QSOX1: variants seen among roughly 807,000 people sequenced by gnomAD.
QSOX1 encodes quiescin sulfhydryl oxidase 1, also known as sulfhydryl oxidase 1.
Under a neutral mutation model 76.1 loss-of-function variants are expected in QSOX1, and 40 were observed. The ratio of observed to expected loss-of-function variants is 0.53; its 90% CI spans 0.41 to 0.68. The LOEUF is 0.68. Ranked by LOEUF, QSOX1 falls within the 30% of genes least tolerant of loss-of-function variation. The pLI is 0.00. For missense variants in QSOX1, 931 were observed against 974.3 expected (o/e 0.96, Z 0.59); for synonymous variants, 392 against 413.1 (o/e 0.95, Z 0.62).
At chr1:180,162,713 G>A (rs1662522089) in intron 1 of QSOX1, among the ~76,000 whole-genome samples, 1 of 152,076 alleles carries the variant, frequency 6.6e-6, no homozygotes, top group South Asian at 2.1e-4. Context: ...ACTCCAGCCT[G>A]GATGACATAG....
Position 180,197,208 on chromosome 1 carries a change from C to A in QSOX1, c.*171C>A. ...TTCTTGGGGTTGCTAGGACAGAGAG[C>A]TCCTTTGACACAAAAGACAGGAGCA... On this transcript the variant is annotated 3_prime_UTR_variant, in exon 12 of 12. Coordinates refer to ENST00000367602, the MANE Select transcript of QSOX1 (RefSeq NM_002826.5). 1 of 1,559,624 alleles carries A rather than the reference C, an allele frequency of 6.4e-7. No homozygotes were observed. The highest frequency in any genetic ancestry group is 8.6e-7 in the Non-Finnish European group (1 of 1,157,178).
At chr1:180,193,767 G>GC (rs1663382936) in intron 10 of QSOX1, among the ~76,000 whole-genome samples, 1 of 152,150 alleles carries the variant, frequency 6.6e-6, no homozygotes, top group African/African-American at 2.4e-5. Context: ...GCATGTGCAG[G>GC]CCAGGTCCAG....
rs1205066076 is a variant in QSOX1, at chr1:180,196,027, G to A, written c.1469-235G>A. 6.6e-6 allele frequency among the ~76,000 whole-genome samples: 1 copy of A among 152,208 alleles called. No homozygotes were observed. Among genetic ancestry groups the A allele is most frequent in the Non-Finnish European group, 1.5e-5 (1 of 68,042 alleles). ...CTTCACGCTTCCCTGGAAAACCACGGAGGGCCGGGGCTGAGGGGTAGGTGG... is the reference window on the plus strand; with the variant it reads ...CTTCACGCTTCCCTGGAAAACCACGAAGGGCCGGGGCTGAGGGGTAGGTGG... On this transcript the variant is annotated intron_variant, in intron 11 of 11. Transcript: ENST00000367602. This position sits in a 1 kb window ranked among gnomAD's most constrained non-coding sequence, Gnocchi z 4.1.
chr1:180,167,971 C>T (rs1207563232), intron 2 of QSOX1, among the ~76,000 whole-genome samples: 1 of 152,236 alleles, frequency 6.6e-6, no homozygotes, highest in Non-Finnish European at 1.5e-5. Flanking sequence ...CATTCACAGG[C>T]TGATATTTTT....
intron 2 of QSOX1, among the ~76,000 whole-genome samples, chr1:180,171,355 G>A (rs1232237588): frequency 6.7e-6 from 1 of 148,848 alleles, no homozygotes; most frequent in African/African-American, 2.6e-5. Flanking sequence ...GGATGGTGTG[G>A]GTGGCAGGGA....
At chr1:180,158,072 G>A (rs529541598) in intron 1 of QSOX1, among the ~76,000 whole-genome samples, 2 of 152,298 alleles carry the variant, frequency 1.3e-5, no homozygotes, top group South Asian at 2.1e-4. Flanking sequence ...ATCCTTACCC[G>A]GGAAAATATC....
intron 11 of QSOX1, among the ~76,000 whole-genome samples, chr1:180,195,608 CTGGGGT>C (rs1663453513): frequency 6.6e-6 from 1 of 152,106 alleles, no homozygotes; most frequent in Non-Finnish European, 1.5e-5. Context: ...CTGGGCCCAC[CTGGGGT>C]ACCAACAGCC....
At chr1:180,178,712 A>G (rs1298301958) in intron 4 of QSOX1, 82 bp from the exon 5 acceptor site, 2 of 1,281,130 alleles carry the variant, frequency 1.6e-6, no homozygotes, top group East Asian at 2.3e-5. Flanking sequence ...GCAGCACTGC[A>G]TCACCAGCGT....
chr1:180,189,824 A>G (rs1163555144), intron 9 of QSOX1, 150 bp downstream of exon 9: 2 of 834,782 alleles, frequency 2.4e-6, no homozygotes, highest in African/African-American at 1.7e-5. Context: ...ATAAATGACT[A>G]TTGATTGAGC....
rs1663587582 is a variant in QSOX1, at chr1:180,199,605, A to G, written c.*2568A>G. 1 of 152,036 alleles carries G rather than the reference A, an allele frequency of 6.6e-6. No homozygotes were observed. The highest frequency in any genetic ancestry group is 1.5e-5 in the Non-Finnish European group (1 of 68,042). The allele number at this position is 152,036 out of a possible 1,614,324, so 9.4% of individuals were successfully genotyped here. ...TCGAAAACTTTTTAAAAATATTACTAAGGATTTTCACAATGCTGCACTGGG... is the reference window on the plus strand; with the variant it reads ...TCGAAAACTTTTTAAAAATATTACTGAGGATTTTCACAATGCTGCACTGGG... On this transcript the variant is annotated 3_prime_UTR_variant, in exon 12 of 12. Transcript: ENST00000367602.
Position 180,194,293 on chromosome 1 carries a change from G to T in QSOX1, c.1369G>T (p.Glu457Ter), listed in dbSNP as rs758589984. 1.2e-6 allele frequency: 2 copies of T among 1,612,682 alleles called. No homozygotes were observed. Among genetic ancestry groups the T allele is most frequent in the African/African-American group, 1.3e-5 (1 of 75,030 alleles). ...FGCRDCASHF[E>*]QMAAASMHRV... ...CTGCCGAGACTGCGCTAGCCACTTCGAGCAGATGGCTGCTGCCTCCATGCA... is the reference window on the plus strand; with the variant it reads ...CTGCCGAGACTGCGCTAGCCACTTCTAGCAGATGGCTGCTGCCTCCATGCA... Residue 457 changes from glutamate (E) to a stop codon, truncating the protein, a stop_gained, in exon 11 of 12, where the codon GAG (glutamate) becomes TAG (stop). Coordinates refer to ENST00000367602, the MANE Select transcript of QSOX1 (RefSeq NM_002826.5). LOFTEE classifies it high-confidence loss of function.
In QSOX1 at chr1:180,183,366, AG is replaced by A. The variant is rs199930686; in HGVS notation, c.753-549del. On this transcript the variant is annotated intron_variant, in intron 6 of 11. Transcript: ENST00000367602. Reference sequence around the variant, plus strand: ...GGAGGACTCCTCCCTGTCGGAAAAAAGAAAGAAACCAAAAAGACCGTAAAAA... The same window carrying A: ...GGAGGACTCCTCCCTGTCGGAAAAAAAAAGAAACCAAAAAGACCGTAAAAA... Among the ~76,000 whole-genome samples the A allele has an allele frequency of 6.2e-5, 4 of 64,314 alleles. No homozygotes were observed. The East Asian group carries it at 1.1e-3, about 18-fold the overall frequency. The allele number at this position is 64,314 out of a possible 152,430, so 42.2% of individuals were successfully genotyped here.
intron 10 of QSOX1, among the ~76,000 whole-genome samples, chr1:180,192,574 G>C (rs1004185991): frequency 6.6e-6 from 1 of 152,198 alleles, no homozygotes; most frequent in African/African-American, 2.4e-5. Context: ...CTTACTGATA[G>C]ATTGGAGGAA....
chr1:180,177,634 G>A (rs1148808), intron 4 of QSOX1, among the ~76,000 whole-genome samples: 8 of 152,218 alleles, frequency 5.3e-5, no homozygotes, highest in Non-Finnish European at 1.0e-4. Flanking sequence ...TGAAGTCTGA[G>A]GGTGGGAGTG....
At chr1:180,161,246 T>C (rs940824780) in intron 1 of QSOX1, among the ~76,000 whole-genome samples, 3 of 151,752 alleles carry the variant, frequency 2.0e-5, no homozygotes, top group African/African-American at 4.9e-5. Flanking sequence ...TTGGCCTAAT[T>C]ATTTACATAA....
chr1:180,174,438 T>G (rs1662832694), intron 2 of QSOX1, among the ~76,000 whole-genome samples: 1 of 152,198 alleles, frequency 6.6e-6, no homozygotes, highest in South Asian at 2.1e-4. Flanking sequence ...GGTCCCCGCT[T>G]CAAGAGAACC....
intron 11 of QSOX1, among the ~76,000 whole-genome samples, chr1:180,195,194 G>T (rs1299191319): frequency 1.3e-5 from 2 of 152,092 alleles, no homozygotes; most frequent in Non-Finnish European, 2.9e-5. Context: ...CTTGACCTCG[G>T]CAGGCTCCCA....
At chr1:180,165,364 G>A (rs1183885270) in intron 1 of QSOX1, among the ~76,000 whole-genome samples, 1 of 152,192 alleles carries the variant, frequency 6.6e-6, no homozygotes, top group African/African-American at 2.4e-5. Context: ...TGCCATGGAC[G>A]TCATCCTGAG....
chr1:180,176,237 T>C (rs1295768288), intron 4 of QSOX1, among the ~76,000 whole-genome samples: 9 of 152,144 alleles, frequency 5.9e-5, no homozygotes, highest in Non-Finnish European at 1.2e-4. Context: ...ATCGCACAGG[T>C]CCTGCTGAAG....
Sources: gnomAD v4.1 joint callset for allele counts (sites outside exome capture counted in the v4.1 genomes callset) on GRCh38, gnomAD v4.1.1 for gene constraint, Gnocchi (gnomAD v3.1) non-coding constraint, MANE v1.5 for transcripts, NCBI Gene and HGNC (gene_info 2026-07-23, HGNC 2026-07-21) for gene names.